Variants in FER observed in about 807,000 individuals in gnomAD.
FER encodes FER tyrosine kinase.
Under a neutral mutation model 111.0 loss-of-function variants are expected in FER, and 63 were observed. The ratio of observed to expected loss-of-function variants is 0.57; its 90% CI spans 0.46 to 0.70. The LOEUF (loss-of-function observed/expected upper bound fraction) is 0.70. Ranked by LOEUF, FER falls within the 30% of genes least tolerant of loss-of-function variation. FER has a pLI of 0.00. For synonymous variants in FER, 327 were observed against 313.9 expected (o/e 1.04, Z -0.44); for missense variants, 914 against 954.0 (o/e 0.96, Z 0.55).
At chr5:108,800,938 T>C (rs1191462813) in intron 3 of FER, among the ~76,000 whole-genome samples, 1 of 152,082 alleles carries the variant, frequency 6.6e-6, no homozygotes, top group Non-Finnish European at 1.5e-5. Context: ...TCCCAGCTAC[T>C]TGGGAGGCTG....
chr5:108,750,296 T>C (rs1441435129), intron 1 of FER, among the ~76,000 whole-genome samples: 2 of 152,196 alleles, frequency 1.3e-5, no homozygotes, highest in Non-Finnish European at 2.9e-5. Context: ...GCAAAATCTT[T>C]AGTGCAGTAT....
chr5:108,926,281 G>A (rs962485270), intron 10 of FER, among the ~76,000 whole-genome samples: 2 of 150,016 alleles, frequency 1.3e-5, no homozygotes, highest in African/African-American at 4.9e-5. Context: ...AAACAATTTT[G>A]TGCTTTTTAT....
chr5:109,172,079 T>C (rs1757159183), intron 17 of FER, among the ~76,000 whole-genome samples: 1 of 152,134 alleles, frequency 6.6e-6, no homozygotes, highest in Non-Finnish European at 1.5e-5. Flanking sequence ...AGTGTGGCAA[T>C]TCCTCAGGGA....
chr5:108,912,379 G>A (rs997915834), intron 10 of FER, among the ~76,000 whole-genome samples: 13 of 151,724 alleles, frequency 8.6e-5, no homozygotes, highest in Non-Finnish European at 1.5e-4. Flanking sequence ...GTTTTTTCTT[G>A]AGACAGAGTC....
At chr5:109,042,124 T>C (rs1771268484) in intron 14 of FER, among the ~76,000 whole-genome samples, 1 of 152,048 alleles carries the variant, frequency 6.6e-6, no homozygotes, top group South Asian at 2.1e-4. Context: ...AAGGATCAAA[T>C]AGAAGTATGC....
intron 17 of FER, among the ~76,000 whole-genome samples, chr5:109,102,499 T>C (rs1224930625): frequency 1.3e-5 from 2 of 152,174 alleles, no homozygotes; most frequent in African/African-American, 4.8e-5. Context: ...GCCAGGGTAC[T>C]CACGAGTATT....
At chr5:108,864,589 T>C (rs1218603412) in intron 5 of FER, among the ~76,000 whole-genome samples, 1 of 152,220 alleles carries the variant, frequency 6.6e-6, no homozygotes, top group African/African-American at 2.4e-5. Flanking sequence ...TAGCCAGTTT[T>C]CCCAGCACCA....
At chr5:109,102,945 A>C (rs906492697) in intron 17 of FER, among the ~76,000 whole-genome samples, 1 of 152,104 alleles carries the variant, frequency 6.6e-6, no homozygotes, top group African/African-American at 2.4e-5. Flanking sequence ...AGTAGTTGCA[A>C]TAGAATTTTA....
intron 3 of FER, among the ~76,000 whole-genome samples, chr5:108,812,073 C>T (rs1414397254): frequency 6.6e-6 from 1 of 152,160 alleles, no homozygotes; most frequent in Non-Finnish European, 1.5e-5. Flanking sequence ...ATCACAGTTT[C>T]TTTACTCATG....
intron 19 of FER, 33 bp downstream of exon 19, chr5:109,186,355 G>T: frequency 6.2e-7 from 1 of 1,613,990 alleles, no homozygotes; most frequent in Non-Finnish European, 8.5e-7. Flanking sequence ...TAGTGTTCAT[G>T]TCCAGCCCCA....
At chr5:108,971,456 G>C (rs1277688754) in intron 13 of FER, among the ~76,000 whole-genome samples, 2 of 152,114 alleles carry the variant, frequency 1.3e-5, no homozygotes, top group East Asian at 3.8e-4. Flanking sequence ...TTACAGAAAA[G>C]GAGTTAGCTA....
intron 17 of FER, among the ~76,000 whole-genome samples, chr5:109,158,277 G>A (rs1311144551): frequency 6.6e-6 from 1 of 151,952 alleles, no homozygotes; most frequent in African/African-American, 2.4e-5. Flanking sequence ...CCATATACTG[G>A]GGGTCAGAAG....
At chr5:108,879,188 T>C (rs1765389903) in intron 8 of FER, among the ~76,000 whole-genome samples, 1 of 152,046 alleles carries the variant, frequency 6.6e-6, no homozygotes, top group South Asian at 2.1e-4. Flanking sequence ...AATATTATAA[T>C]ATTTAATTTA....
intron 3 of FER, among the ~76,000 whole-genome samples, chr5:108,803,897 T>A (rs1205336733): frequency 3.3e-5 from 5 of 152,076 alleles, no homozygotes; most frequent in Non-Finnish European, 7.4e-5. Flanking sequence ...ATAGGAATAG[T>A]GTTGAATCTG....
intron 16 of FER, among the ~76,000 whole-genome samples, chr5:109,074,779 A>G (rs913154853): frequency 1.3e-5 from 2 of 152,242 alleles, no homozygotes; most frequent in East Asian, 1.9e-4. Context: ...TGGGTCATAT[A>G]CCTTGGCATG....
rs1772978223 is a variant in FER, at chr5:109,052,473, C to T, written c.1924+5275C>T. ...AGTCACGCATGTTGCCTGGGCACCA[C>T]TCTTTTGCTTAAAAGAAGTGAAGTC... On this transcript the variant is annotated intron_variant, in intron 16 of 19. Coordinates refer to ENST00000281092, the MANE Select transcript of FER (RefSeq NM_005246.4). 3 of 1,076,992 alleles carry T rather than the reference C, an allele frequency of 2.8e-6. No individual in the cohort carries two copies. The South Asian group carries it at 3.9e-5, about 14-fold the overall frequency. 66.7% of individuals were successfully genotyped at this position (1,076,992 alleles called of 1,614,324 possible).
chr5:108,996,571 A>T (rs1764005784), intron 13 of FER, among the ~76,000 whole-genome samples: 2 of 152,168 alleles, frequency 1.3e-5, no homozygotes, highest in African/African-American at 4.8e-5. Context: ...AGATGGTTGT[A>T]GGTGTGTGGT....
chr5:108,887,516 T>G (rs1747363114), intron 9 of FER, among the ~76,000 whole-genome samples: 1 of 151,680 alleles, frequency 6.6e-6, no homozygotes, highest in Admixed American at 6.6e-5. Flanking sequence ...ATCGCAGAAT[T>G]TTATTTAAAA....
chr5:109,086,535 TTTA>T (rs949447857), intron 16 of FER, among the ~76,000 whole-genome samples: 5 of 151,776 alleles, frequency 3.3e-5, no homozygotes, highest in African/African-American at 1.2e-4. Flanking sequence ...ATTGCTGCCC[TTTA>T]TTATTTCCTT....
Sources: gnomAD v4.1 joint callset for allele counts (sites outside exome capture counted in the v4.1 genomes callset) on GRCh38, gnomAD v4.1.1 for gene constraint, MANE v1.5 for transcripts, NCBI Gene and HGNC (gene_info 2026-07-23, HGNC 2026-07-21) for gene names.